The following DAPK1 variants were observed in gnomAD, a reference collection of about 807,000 sequenced individuals.
DAPK1 encodes the protein death associated protein kinase 1.
DAPK1 carries 56 observed loss-of-function variants against 144.9 expected under a neutral mutation model. The ratio of observed to expected loss-of-function variants is 0.39; its 90% confidence interval spans 0.31 to 0.48. DAPK1 has a LOEUF of 0.48. Among genes scored for constraint, DAPK1 ranks in the 20% least tolerant of loss-of-function variants. DAPK1 has a pLI of 0.95. For synonymous variants in DAPK1, 690 were observed against 749.0 expected, an observed-to-expected ratio of 0.92 and a Z score of 1.29; for missense variants, 1,454 against 1,875.4, an observed-to-expected ratio of 0.78 and a Z score of 4.15.
chr9:87,522,934 C>T (rs34588156), intron 2 of DAPK1, among the ~76,000 whole-genome samples: 2,674 of 152,260 alleles, frequency 0.018, 27 homozygotes, highest in Middle Eastern at 0.051. Context: ...TTTTTCTCTA[C>T]GTTTGTAGAC....
chr9:87,633,643 A>T (rs1829789163), intron 3 of DAPK1, among the ~76,000 whole-genome samples: 2 of 152,244 alleles, frequency 1.3e-5, no homozygotes, highest in South Asian at 4.1e-4. Flanking sequence ...TTCCAGGGTT[A>T]TTCATTGTCC....
In DAPK1 at chr9:87,707,927, T is replaced by C; in HGVS notation, c.*563T>C. ...GCAGAAGAGGGTGTGTTTGAAATCA[T>C]CGGAGTCAGCCAGGAGCTGTCACCA... On this transcript the variant is annotated 3_prime_UTR_variant, in exon 26 of 26. Transcript: ENST00000408954. The surrounding 1 kb of genome is among the most constrained non-coding windows in gnomAD (Gnocchi z 4.0). The C allele has an allele frequency of 2.2e-6, 1 of 455,208 alleles. No individual in the cohort carries two copies. Among genetic ancestry groups the C allele is most frequent in the Non-Finnish European group, 4.4e-6 (1 of 226,464 alleles). The allele number at this position is 455,208 out of a possible 1,614,324, so 28.2% of individuals were successfully genotyped here.
At position 87,681,629 on chromosome 9, in the gene DAPK1, A is replaced by T. The variant is rs774363330; in HGVS notation, c.2224+3A>T. On this transcript the variant is annotated splice_donor_region_variant and intron_variant, in intron 20 of 25. Transcript: ENST00000408954. ...ACCCCTGGCTTCTAAGCCCACAGGT[A>T]GGAACCTCCATGCTGGCCCCGTCTC... 4 of 1,452,840 alleles carry T rather than the reference A, an allele frequency of 2.8e-6. No individual in the cohort carries two copies. Among genetic ancestry groups the T allele is most frequent in the Non-Finnish European group, 3.9e-6 (4 of 1,032,888 alleles). The allele number at this position is 1,452,840 out of a possible 1,614,324, so 90.0% of individuals were successfully genotyped here. A position where few individuals can be genotyped will look rare whatever the true frequency, so the allele number is the denominator to read the frequency against.
Position 87,650,178 on chromosome 9 carries a change from A to G in DAPK1, c.1626+60A>G. On this transcript the variant is annotated intron_variant, in intron 16 of 25. Coordinates refer to ENST00000408954, the MANE Select transcript of DAPK1 (RefSeq NM_004938.4). ...AGTGATCTAGGGGTCTAGAGGGACC[A>G]CAAGACTCCTCAGTTTGTTTCCCTA... The G allele has an allele frequency of 2.6e-6, 4 of 1,544,120 alleles. 1 individual carries two copies. In the Admixed American group the frequency reaches 6.8e-5, roughly 26 times the overall value.
chr9:87,698,804 A>T lies in DAPK1; in HGVS notation c.2750+10A>T, dbSNP rs766593962. 31 of 1,568,802 alleles carry T rather than the reference A, an allele frequency of 2.0e-5. No homozygotes were observed. The highest frequency in any genetic ancestry group is 2.6e-5 in the Non-Finnish European group (30 of 1,139,124). On this transcript the variant is annotated intron_variant, in intron 23 of 25. Coordinates refer to ENST00000408954, the MANE Select transcript of DAPK1 (RefSeq NM_004938.4). Reference sequence around the variant, plus strand: ...AAGAGATTAGGAACAGGTGAGGGGCAGCCACTTAGTCTCCAGCTCACGGGT... The same window carrying T: ...AAGAGATTAGGAACAGGTGAGGGGCTGCCACTTAGTCTCCAGCTCACGGGT...
intron 2 of DAPK1, among the ~76,000 whole-genome samples, chr9:87,583,365 T>G (rs1002684670): frequency 6.6e-6 from 1 of 152,132 alleles, no homozygotes; most frequent in South Asian, 2.1e-4. Context: ...CTCAGCATAT[T>G]TAAACTTGCC....
chr9:87,528,320 C>T (rs1342461219), intron 2 of DAPK1, among the ~76,000 whole-genome samples: 4 of 151,692 alleles, frequency 2.6e-5, no homozygotes, highest in Admixed American at 6.6e-5. Flanking sequence ...TGGGTTCAAG[C>T]GATTCTCCTG....
chr9:87,568,036 T>C (rs1390605015), intron 2 of DAPK1, among the ~76,000 whole-genome samples: 1 of 152,132 alleles, frequency 6.6e-6, no homozygotes, highest in African/African-American at 2.4e-5. Context: ...AGACCAAAAC[T>C]GTGATTACAA....
rs1829954545 is a variant in DAPK1 at position 87,637,822 on chromosome 9, G to T, written c.285-121G>T. 5 of 1,092,038 alleles carry T rather than the reference G, an allele frequency of 4.6e-6. No individual in the cohort carries two copies. In the African/African-American group the frequency reaches 6.2e-5, roughly 14 times the overall value. The allele number at this position is 1,092,038 out of a possible 1,614,324, so 67.6% of individuals were successfully genotyped here. ...GAGAATTCTGAATCCATGCTTGGCGGTTTCAGCATAGTCTTTATGCTGTTT... is the reference window on the plus strand; with the variant it reads ...GAGAATTCTGAATCCATGCTTGGCGTTTTCAGCATAGTCTTTATGCTGTTT... On this transcript the variant is annotated intron_variant, in intron 3 of 25. Transcript: ENST00000408954.
intron 2 of DAPK1, among the ~76,000 whole-genome samples, chr9:87,603,196 G>A (rs1036986103): frequency 2.6e-5 from 4 of 152,116 alleles, no homozygotes; most frequent in African/African-American, 7.2e-5. Flanking sequence ...AAAGGAAGCA[G>A]CTGACTGTGT....
chr9:87,501,246 G>A (rs1353287119), intron 2 of DAPK1, among the ~76,000 whole-genome samples: 4 of 152,186 alleles, frequency 2.6e-5, no homozygotes, highest in Admixed American at 1.3e-4. Context: ...TTGGCCAGGC[G>A]AGGTGGCTCA....
chr9:87,670,938 T>G (rs1255240512), intron 19 of DAPK1, among the ~76,000 whole-genome samples: 1 of 152,058 alleles, frequency 6.6e-6, no homozygotes, highest in Non-Finnish European at 1.5e-5. Context: ...TTAGCAATGG[T>G]CCCTTCTTTG....
At chr9:87,662,631 C>T (rs574183283) in intron 18 of DAPK1, among the ~76,000 whole-genome samples, 5 of 120,810 alleles carry the variant, frequency 4.1e-5, no homozygotes, top group African/African-American at 1.6e-4. Flanking sequence ...GGGGCTGGAT[C>T]GTCATTGGTA....
intron 21 of DAPK1, among the ~76,000 whole-genome samples, chr9:87,696,462 CAG>C (rs369849465): frequency 2.7e-4 from 41 of 152,244 alleles, no homozygotes; most frequent in African/African-American, 9.9e-4. Context: ...ATACTTGAGA[CAG>C]GGTAATTGAT....
At chr9:87,679,192 G>A (rs1005342851) in intron 19 of DAPK1, among the ~76,000 whole-genome samples, 1 of 152,036 alleles carries the variant, frequency 6.6e-6, no homozygotes, top group African/African-American at 2.4e-5. Flanking sequence ...GTCTGTCCCC[G>A]CAGATGGGCT....
At chr9:87,595,906 A>G (rs886632592) in intron 2 of DAPK1, among the ~76,000 whole-genome samples, 1 of 151,926 alleles carries the variant, frequency 6.6e-6, no homozygotes, top group East Asian at 1.9e-4. Context: ...ATCACAGCCC[A>G]TTTAACCGAG....
intron 2 of DAPK1, among the ~76,000 whole-genome samples, chr9:87,579,576 G>A (rs1302328524): frequency 6.6e-6 from 1 of 152,082 alleles, no homozygotes; most frequent in Non-Finnish European, 1.5e-5. Context: ...TAATAGCAGA[G>A]GCACCCAGAA....
intron 21 of DAPK1, among the ~76,000 whole-genome samples, chr9:87,694,558 C>T (rs1436846307): frequency 6.6e-6 from 1 of 152,136 alleles, no homozygotes. Flanking sequence ...CATATGCGGC[C>T]AGCTGGGGAG....
intron 2 of DAPK1, 50 bp from the exon 3 acceptor site, chr9:87,604,904 A>G: frequency 7.6e-6 from 12 of 1,573,212 alleles, no homozygotes; most frequent in Non-Finnish European, 1.0e-5. Context: ...CCTCACTCAA[A>G]TCCTGTTTTT....
Sources: gnomAD v4.1 joint callset for allele counts (sites outside exome capture counted in the v4.1 genomes callset) on GRCh38, gnomAD v4.1.1 for gene constraint, Gnocchi (gnomAD v3.1) non-coding constraint, MANE v1.5 for transcripts, NCBI Gene and HGNC (gene_info 2026-07-23, HGNC 2026-07-21) for gene names.